The following SNX29 variants were observed in gnomAD, a reference collection of about 807,000 sequenced individuals.
SNX29 encodes sorting nexin-29.
Under a neutral mutation model 102.1 loss-of-function variants are expected in SNX29, and 78 were observed. The ratio of observed to expected loss-of-function variants is 0.76; its 90% CI spans 0.64 to 0.92. The LOEUF is 0.92. Among genes scored for constraint, SNX29 ranks in the 40% least tolerant of loss-of-function variants. SNX29 has a pLI of 0.00. For synonymous variants in SNX29, 580 were observed against 414.5 expected (o/e 1.40, Z -4.85); for missense variants, 1,280 against 1,061.7 (o/e 1.21, Z -2.86).
intron 18 of SNX29, among the ~76,000 whole-genome samples, chr16:12,447,044 G>A (rs1567572470): frequency 5.3e-5 from 8 of 151,680 alleles, no homozygotes; most frequent in Admixed American, 4.6e-4. Context: ...GCACGCATCT[G>A]TAGTCCCAGC....
At chr16:12,419,346 G>A (rs974728295) in intron 18 of SNX29, among the ~76,000 whole-genome samples, 3 of 152,120 alleles carry the variant, frequency 2.0e-5, no homozygotes, top group Non-Finnish European at 2.9e-5. Flanking sequence ...CCTATTTAAG[G>A]CAGGGCTCCT....
At chr16:12,547,882 C>G (rs1049716621) in intron 20 of SNX29, among the ~76,000 whole-genome samples, 1 of 152,156 alleles carries the variant, frequency 6.6e-6, no homozygotes, top group East Asian at 1.9e-4. Context: ...CCTTCAGCAG[C>G]AGTTCTAGGG....
chr16:12,502,403 C>T (rs1030243728), intron 19 of SNX29, among the ~76,000 whole-genome samples: 12 of 152,130 alleles, frequency 7.9e-5, no homozygotes, highest in African/African-American at 1.7e-4. Flanking sequence ...AGAATGTGGC[C>T]GGGCCCACAG....
chr16:12,407,176 C>T (rs200132026), intron 18 of SNX29, among the ~76,000 whole-genome samples: 1 of 40,654 alleles, frequency 2.5e-5, no homozygotes, highest in Non-Finnish European at 8.2e-5. Context: ...AGGGCCCCCG[C>T]TTTTTCAGCC....
At chr16:12,143,378 C>T (rs1387027330) in intron 13 of SNX29, among the ~76,000 whole-genome samples, 2 of 151,898 alleles carry the variant, frequency 1.3e-5, no homozygotes, top group Non-Finnish European at 2.9e-5. Flanking sequence ...CAGGAAGTGT[C>T]GTATGGGGCA....
chr16:12,216,852 C>G (rs35562969), intron 14 of SNX29, among the ~76,000 whole-genome samples: 10,520 of 152,242 alleles, frequency 0.069, 569 homozygotes, highest in South Asian at 0.29. Context: ...TTCAAGTTCA[C>G]TTGTCTTCTC....
At chr16:12,114,722 G>A (rs1330690021) in intron 11 of SNX29, among the ~76,000 whole-genome samples, 1 of 152,016 alleles carries the variant, frequency 6.6e-6, no homozygotes, top group Non-Finnish European at 1.5e-5. Flanking sequence ...GAGTAGCTGG[G>A]ATTACAGGTG....
chr16:12,274,373 G>A (rs1388264378), intron 14 of SNX29, among the ~76,000 whole-genome samples: 2 of 152,114 alleles, frequency 1.3e-5, no homozygotes, highest in Non-Finnish European at 2.9e-5. Flanking sequence ...CTGTGAGTGA[G>A]GCTTGCTTTT....
intron 3 of SNX29, among the ~76,000 whole-genome samples, chr16:12,016,734 G>A (rs2056859263): frequency 6.6e-6 from 1 of 152,080 alleles, no homozygotes; most frequent in Non-Finnish European, 1.5e-5. Context: ...TGAGCTGTCT[G>A]TTCATTTCTT....
chr16:12,271,718 G>T (rs781476022), intron 14 of SNX29, among the ~76,000 whole-genome samples: 1 of 152,012 alleles, frequency 6.6e-6, no homozygotes, highest in Non-Finnish European at 1.5e-5. Flanking sequence ...CGCCTCCTGG[G>T]TTCAAGTGAT....
intron 14 of SNX29, among the ~76,000 whole-genome samples, chr16:12,207,960 ACAGGTG>A (rs1567312804): frequency 6.6e-6 from 1 of 152,160 alleles, no homozygotes; most frequent in African/African-American, 2.4e-5. Flanking sequence ...CAAGTACACA[ACAGGTG>A]CTTAATAAAA....
chr16:12,008,641 C>T (rs1187226214), intron 3 of SNX29, among the ~76,000 whole-genome samples: 1 of 151,912 alleles, frequency 6.6e-6, no homozygotes, highest in African/African-American at 2.4e-5. Context: ...TCGTATGCCT[C>T]TCTTTTTTAA....
intron 16 of SNX29, among the ~76,000 whole-genome samples, chr16:12,395,269 A>G (rs1185795133): frequency 3.3e-5 from 5 of 152,130 alleles, no homozygotes; most frequent in African/African-American, 1.2e-4. Context: ...CTGGGGTCAG[A>G]GTTTCATGAC....
chr16:12,127,126 C>T (rs1439407592), intron 12 of SNX29, among the ~76,000 whole-genome samples: 4 of 151,540 alleles, frequency 2.6e-5, no homozygotes, highest in South Asian at 2.1e-4. Context: ...GGGCGTGGTG[C>T]TGCGTGCCTG....
At chr16:12,548,106 G>A (rs1006226350) in intron 20 of SNX29, among the ~76,000 whole-genome samples, 10 of 152,312 alleles carry the variant, frequency 6.6e-5, no homozygotes, top group Admixed American at 6.5e-5. Flanking sequence ...GGACATTGAG[G>A]TCTATTTCTT....
chr16:12,197,013 C>T (rs943600143), intron 13 of SNX29, among the ~76,000 whole-genome samples: 2 of 152,138 alleles, frequency 1.3e-5, no homozygotes, highest in Admixed American at 6.5e-5. Flanking sequence ...TAGTGCTGGC[C>T]ACAGAGTTGG....
intron 3 of SNX29, among the ~76,000 whole-genome samples, chr16:12,013,542 T>TATAGAGAGAGAGAGAGAGAG (rs1382498593): frequency 5.5e-5 from 6 of 109,076 alleles, no homozygotes; most frequent in African/African-American, 2.1e-4. Flanking sequence ...TATATATATA[T>TATAGAGAGAGAGAGAGAGAG]CGAGAGAGGA....
chr16:12,287,973 A>G (rs904056782), intron 15 of SNX29, among the ~76,000 whole-genome samples: 2 of 152,202 alleles, frequency 1.3e-5, no homozygotes, highest in Non-Finnish European at 2.9e-5. Context: ...AAAAGCAGCT[A>G]TAGATATTGA....
chr16:12,176,872 G>A (rs1457172714), intron 13 of SNX29, among the ~76,000 whole-genome samples: 2 of 152,098 alleles, frequency 1.3e-5, no homozygotes, highest in Non-Finnish European at 2.9e-5. Flanking sequence ...TTTTACTAGG[G>A]TTTATGACTG....
Sources: gnomAD v4.1 joint callset for allele counts (sites outside exome capture counted in the v4.1 genomes callset) on GRCh38, gnomAD v4.1.1 for gene constraint, MANE v1.5 for transcripts, NCBI Gene and HGNC (gene_info 2026-07-23, HGNC 2026-07-21) for gene names.